The following NARS2 variants were observed in gnomAD, a reference collection of about 807,000 sequenced individuals.
NARS2 encodes the protein asparaginyl-tRNA synthetase 2, mitochondrial, also known as asparaginyl-tRNA synthetase.
A neutral mutation model predicts 62.9 loss-of-function variants in NARS2; 60 were observed. The ratio of observed to expected loss-of-function variants is 0.95; its 90% CI spans 0.77 to 1.18. The LOEUF (loss-of-function observed/expected upper bound fraction) is 1.18, where lower values mean the gene tolerates loss of function less well. Ranked by LOEUF, NARS2 falls within the 50% of genes most tolerant of loss-of-function variation. The pLI is 0.00. For synonymous variants in NARS2, 196 were observed against 200.0 expected (o/e 0.98, Z 0.17); for missense variants, 619 against 576.4 (o/e 1.07, Z -0.76).
intron 9 of NARS2, among the ~76,000 whole-genome samples, chr11:78,471,876 A>G (rs1347509649): frequency 4.6e-5 from 7 of 152,008 alleles, no homozygotes; most frequent in African/African-American, 1.5e-4. Flanking sequence ...ATCATTTTTT[A>G]TGGCTGCATA....
At chr11:78,464,970 G>A (rs182446480) in intron 11 of NARS2, among the ~76,000 whole-genome samples, 2,893 of 152,366 alleles carry the variant, frequency 0.019, 84 homozygotes, top group African/African-American at 0.059. Context: ...CCATGCGCCT[G>A]CACTCCTCAG....
At chr11:78,563,846 A>C (rs1856640146) in intron 4 of NARS2, among the ~76,000 whole-genome samples, 1 of 62,490 alleles carries the variant, frequency 1.6e-5, no homozygotes, top group Non-Finnish European at 3.1e-5. Flanking sequence ...AAAAAAAAAA[A>C]AAAAAATATA....
chr11:78,567,892 CATA>C (rs1446163344), intron 3 of NARS2, among the ~76,000 whole-genome samples: 3 of 152,120 alleles, frequency 2.0e-5, no homozygotes, highest in Admixed American at 1.3e-4. Context: ...CACATCAGCT[CATA>C]ATGTTAAGCA....
At chr11:78,452,700 T>G (rs966541639) in intron 11 of NARS2, among the ~76,000 whole-genome samples, 4 of 152,156 alleles carry the variant, frequency 2.6e-5, no homozygotes, top group African/African-American at 9.7e-5. Context: ...TGAGTCACCA[T>G]GCCCAGCTCT....
At chr11:78,475,379 A>G (rs12099252) in intron 9 of NARS2, among the ~76,000 whole-genome samples, 3,791 of 152,230 alleles carry the variant, frequency 0.025, 159 homozygotes, top group African/African-American at 0.087. Flanking sequence ...GTAAGTGCAG[A>G]TATCTCTTTG....
At chr11:78,451,081 CT>C (rs1414004579) in intron 11 of NARS2, among the ~76,000 whole-genome samples, 6 of 152,190 alleles carry the variant, frequency 3.9e-5, no homozygotes, top group Non-Finnish European at 8.8e-5. Flanking sequence ...TCCTGTTTTT[CT>C]TTTATAACTA....
chr11:78,456,219 A>G (rs570904510), intron 11 of NARS2, among the ~76,000 whole-genome samples: 97 of 152,318 alleles, frequency 6.4e-4, no homozygotes, highest in African/African-American at 2.1e-3. Flanking sequence ...AACTTGTTCA[A>G]TTAAGACACA....
intron 10 of NARS2, 142 bp from the exon 11 acceptor site, chr11:78,466,155 G>T: frequency 1.3e-6 from 1 of 796,318 alleles, no homozygotes; most frequent in Non-Finnish European, 1.9e-6. Context: ...AGGTTACACA[G>T]CTGACTAAAC....
chr11:78,547,269 G>GA (rs1311330370), intron 5 of NARS2, among the ~76,000 whole-genome samples: 5 of 149,396 alleles, frequency 3.3e-5, no homozygotes, highest in African/African-American at 7.4e-5. Context: ...GGTAAAAGAA[G>GA]AAAAAAAAAG....
At chr11:78,570,953 A>G (rs540387633) in intron 2 of NARS2, among the ~76,000 whole-genome samples, 1 of 152,336 alleles carries the variant, frequency 6.6e-6, no homozygotes, top group East Asian at 1.9e-4. Context: ...TAATCATGGG[A>G]TGGGAACATC....
At chr11:78,476,012 C>A (rs1260272257) in intron 9 of NARS2, among the ~76,000 whole-genome samples, 1 of 152,110 alleles carries the variant, frequency 6.6e-6, no homozygotes, top group African/African-American at 2.4e-5. Flanking sequence ...ACCTATTGGC[C>A]ATCTGTATCT....
intron 6 of NARS2, among the ~76,000 whole-genome samples, chr11:78,516,896 G>A (rs1226580568): frequency 6.6e-6 from 1 of 152,036 alleles, no homozygotes; most frequent in Non-Finnish European, 1.5e-5. Context: ...ATAAACCAAC[G>A]ATTCCATGTT....
At chr11:78,515,780 T>TGAGATTA (rs1365379498) in intron 6 of NARS2, among the ~76,000 whole-genome samples, 1 of 152,112 alleles carries the variant, frequency 6.6e-6, no homozygotes, top group Non-Finnish European at 1.5e-5. Flanking sequence ...TGCCTCGGCC[T>TGAGATTA]CCCAAAGCCC....
At chr11:78,567,533 A>G (rs954893688) in intron 3 of NARS2, among the ~76,000 whole-genome samples, 3 of 152,226 alleles carry the variant, frequency 2.0e-5, no homozygotes, top group South Asian at 2.1e-4. Context: ...GCAAATTTTT[A>G]GTAATCACAG....
chr11:78,486,127 G>A lies in NARS2; in HGVS notation c.822+6936C>T, dbSNP rs1289639723. On this transcript the variant is annotated intron_variant, in intron 7 of 13. Transcript: ENST00000281038. ...TGACCTCAGGTGATCTGCCCGCCTC[G>A]GCCTCCCAAAGTGCTGGGATTACAG... Among the ~76,000 whole-genome samples, 17 of 152,094 alleles carry A rather than the reference G, an allele frequency of 1.1e-4. No individual in the cohort carries two copies. In the East Asian group the frequency reaches 2.3e-3, roughly 21 times the overall value.
intron 6 of NARS2, among the ~76,000 whole-genome samples, chr11:78,515,152 G>A (rs907571623): frequency 1.6e-4 from 25 of 152,182 alleles, no homozygotes; most frequent in African/African-American, 6.0e-4. Flanking sequence ...CAGAACCTTG[G>A]TGAGACTGGG....
intron 6 of NARS2, among the ~76,000 whole-genome samples, chr11:78,519,304 A>G (rs1315481408): frequency 1.3e-5 from 2 of 152,190 alleles, no homozygotes; most frequent in Non-Finnish European, 2.9e-5. Context: ...AAACTAATCA[A>G]TTAACCAAAC....
intron 11 of NARS2, chr11:78,444,055 T>A (rs58281225): frequency 0.014 from 2,552 of 182,316 alleles, 59 homozygotes; most frequent in African/African-American, 0.056. Flanking sequence ...GAAAATTACA[T>A]TTTTGTGGAT....
intron 11 of NARS2, among the ~76,000 whole-genome samples, chr11:78,464,001 C>T (rs544177545): frequency 1.3e-5 from 2 of 152,278 alleles, no homozygotes; most frequent in South Asian, 2.1e-4. Flanking sequence ...ACAATGAAGC[C>T]GCGGACCCTC....
Sources: allele counts gnomAD v4.1 joint callset (sites outside exome capture counted in the v4.1 genomes callset), GRCh38; gene constraint gnomAD v4.1.1; transcripts MANE v1.5; gene names NCBI Gene and HGNC (gene_info 2026-07-23, HGNC 2026-07-21).